Variants in AUTS2 observed in about 807,000 individuals in gnomAD.
AUTS2 encodes the protein activator of transcription and developmental regulator AUTS2, also known as autism susceptibility gene 2 protein.
AUTS2 carries 17 observed loss-of-function variants against 112.4 expected under a neutral mutation model. That is an observed-to-expected ratio of 0.15 (90% CI 0.10 to 0.23). AUTS2 has a LOEUF of 0.23. AUTS2 is among the 10% of genes least tolerant of loss of function. AUTS2 has a pLI of 1.00. For synonymous variants in AUTS2, 751 were observed against 702.7 expected, an observed-to-expected ratio of 1.07 and a Z score of -1.09; for missense variants, 1,510 against 1,701.6, an observed-to-expected ratio of 0.89 and a Z score of 1.98.
intron 2 of AUTS2, 143 bp from the exon 3 acceptor site, chr7:70,117,989 C>G (rs1171517487): frequency 9.7e-7 from 1 of 1,035,722 alleles, no homozygotes; most frequent in Non-Finnish European, 1.3e-6. Flanking sequence ...ACCTCGTGAT[C>G]CTCCTACCTC....
intron 2 of AUTS2, among the ~76,000 whole-genome samples, chr7:70,005,055 C>T (rs1404181826): frequency 6.6e-6 from 1 of 152,032 alleles, no homozygotes; most frequent in African/African-American, 2.4e-5. Context: ...GAACTCCTGA[C>T]CTCGGGTGAT....
At chr7:70,024,353 T>A (rs182878804) in intron 2 of AUTS2, among the ~76,000 whole-genome samples, 1 of 152,236 alleles carries the variant, frequency 6.6e-6, no homozygotes, top group Admixed American at 6.5e-5. Flanking sequence ...TACATGAAAT[T>A]ATAATCAAAT....
At chr7:69,800,033 A>G (rs1790014742) in intron 1 of AUTS2, among the ~76,000 whole-genome samples, 1 of 152,248 alleles carries the variant, frequency 6.6e-6, no homozygotes, top group Admixed American at 6.5e-5. Context: ...GTAATAACTC[A>G]TGTGTCAGTA....
chr7:70,633,068 C>T (rs1199998366), intron 5 of AUTS2, among the ~76,000 whole-genome samples: 16 of 152,098 alleles, frequency 1.1e-4, no homozygotes, highest in Non-Finnish European at 1.9e-4. Context: ...GCATCCATGC[C>T]CCATGGGGTA....
intron 6 of AUTS2, among the ~76,000 whole-genome samples, chr7:70,705,252 G>A (rs923698937): frequency 6.6e-6 from 1 of 152,166 alleles, no homozygotes. Context: ...AGAAAGCGCA[G>A]TCTCAGGAAG....
intron 6 of AUTS2, among the ~76,000 whole-genome samples, chr7:70,720,148 T>TA (rs1304921482): frequency 6.6e-6 from 1 of 152,164 alleles, no homozygotes; most frequent in Non-Finnish European, 1.5e-5. Context: ...CGGAGTTTAT[T>TA]ATTTAGGCAG....
chr7:69,774,189 A>G (rs779970202), intron 1 of AUTS2, among the ~76,000 whole-genome samples: 2 of 152,194 alleles, frequency 1.3e-5, no homozygotes, highest in African/African-American at 4.8e-5. Context: ...AGGCAGGAGG[A>G]TTGCTTGAGG....
At chr7:70,746,142 T>TTTGTTG (rs34427547) in intron 6 of AUTS2, among the ~76,000 whole-genome samples, 1 of 152,028 alleles carries the variant, frequency 6.6e-6, no homozygotes, top group Non-Finnish European at 1.5e-5. Context: ...AGTAAGGTTT[T>TTTGTTG]TTGTTGTTGT....
In AUTS2 at chr7:70,306,137, A is replaced by G. The variant is rs543866618; in HGVS notation, c.661-129615A>G. On this transcript the variant is annotated intron_variant, in intron 4 of 18. Transcript: ENST00000342771. Reference sequence around the variant, plus strand: ...GGTCTTCAGCATGTCCAAAGAACAAAGGAAAGATTGGGGGTTTTATTAGAA... The same window carrying G: ...GGTCTTCAGCATGTCCAAAGAACAAGGGAAAGATTGGGGGTTTTATTAGAA... Among the ~76,000 whole-genome samples, 4 of 152,344 alleles carry G rather than the reference A, an allele frequency of 2.6e-5. No homozygotes were observed. In the South Asian group the frequency reaches 8.3e-4, roughly 32 times the overall value.
At chr7:69,662,616 C>G (rs1795855019) in intron 1 of AUTS2, among the ~76,000 whole-genome samples, 1 of 152,118 alleles carries the variant, frequency 6.6e-6, no homozygotes, top group Non-Finnish European at 1.5e-5. Context: ...GGGCTGGAGC[C>G]TTCATTTAAA....
chr7:69,821,741 A>G (rs905748431), intron 1 of AUTS2, among the ~76,000 whole-genome samples: 1 of 151,922 alleles, frequency 6.6e-6, no homozygotes, highest in Non-Finnish European at 1.5e-5. Flanking sequence ...CCAAGGCTTC[A>G]TTCTTGAAGT....
Position 69,915,758 on chromosome 7 carries a change from A to G in AUTS2, c.522+16260A>G, listed in dbSNP as rs149360082. ...TATTTATTTATTGAGACGGAGTCTC[A>G]CTCTATCACCAAGGCTGGTGTGCAG... is the stretch of plus-strand genomic sequence containing the variant. On this transcript the variant is annotated intron_variant, in intron 2 of 18. Transcript: ENST00000342771. Among the ~76,000 whole-genome samples the G allele has an allele frequency of 1.2e-3, 180 of 152,264 alleles. 1 individual carries two copies. The East Asian group carries it at 0.012, about 10-fold the overall frequency.
chr7:70,003,698 ATAATATATAT>A (rs1799362480), intron 2 of AUTS2, among the ~76,000 whole-genome samples: 1 of 126,482 alleles, frequency 7.9e-6, no homozygotes, highest in Non-Finnish European at 1.6e-5. Context: ...ATGAATATAT[ATAATATATAT>A]GAATGTGTTA....
intron 4 of AUTS2, among the ~76,000 whole-genome samples, chr7:70,160,314 G>A (rs1284984294): frequency 6.6e-6 from 1 of 152,128 alleles, no homozygotes; most frequent in Non-Finnish European, 1.5e-5. Flanking sequence ...CTAGGATTTT[G>A]ATCACCTTCT....
chr7:70,578,551 G>A (rs534395170), intron 5 of AUTS2, among the ~76,000 whole-genome samples: 7 of 152,292 alleles, frequency 4.6e-5, no homozygotes, highest in South Asian at 2.1e-4. Flanking sequence ...AACTATAAAC[G>A]TTAGTAAACT....
At chr7:69,999,077 A>T (rs1355981156) in intron 2 of AUTS2, among the ~76,000 whole-genome samples, 1 of 152,204 alleles carries the variant, frequency 6.6e-6, no homozygotes, top group African/African-American at 2.4e-5. Flanking sequence ...ATGAATATAT[A>T]GTCTCACAAA....
intron 4 of AUTS2, among the ~76,000 whole-genome samples, chr7:70,268,903 T>A (rs1787558070): frequency 6.6e-6 from 1 of 152,160 alleles, no homozygotes; most frequent in Non-Finnish European, 1.5e-5. Context: ...CACTAATTTC[T>A]TTAAAATACC....
chr7:70,096,667 T>C (rs769685775), intron 2 of AUTS2, among the ~76,000 whole-genome samples: 14 of 150,636 alleles, frequency 9.3e-5, no homozygotes, highest in Non-Finnish European at 1.6e-4. Context: ...CTCATTTGAG[T>C]TTGTATAATT....
Position 70,073,072 on chromosome 7 carries a change from C to A in AUTS2, c.523-45060C>A, listed in dbSNP as rs1449045186. Among the ~76,000 whole-genome samples the A allele has an allele frequency of 1.1e-4, 16 of 143,296 alleles. No individual in the cohort carries two copies. In the South Asian group the frequency reaches 2.4e-3, roughly 22 times the overall value. The allele number at this position is 143,296 out of a possible 152,430, so 94.0% of individuals were successfully genotyped here. On this transcript the variant is annotated intron_variant, in intron 2 of 18. Transcript: ENST00000342771. ...CTCTCCTCCCCTCCCTTCCCCTCCC[C>A]TCTCCTCCCCTCCTTTCTCCTCTCC... is the stretch of plus-strand genomic sequence containing the variant.
Sources: gnomAD v4.1 joint callset for allele counts (sites outside exome capture counted in the v4.1 genomes callset) on GRCh38, gnomAD v4.1.1 for gene constraint, MANE v1.5 for transcripts, NCBI Gene and HGNC (gene_info 2026-07-23, HGNC 2026-07-21) for gene names.